The following SERPINE3 variants were observed in gnomAD, a reference collection of about 807,000 sequenced individuals.
The protein encoded by SERPINE3 is serpin E3.
SERPINE3 carries 43 observed loss-of-function variants against 41.7 expected under a neutral mutation model. The ratio of observed to expected loss-of-function variants is 1.03; its 90% CI spans 0.81 to 1.33. The LOEUF is 1.33. SERPINE3 is among the 40% of genes most tolerant of loss of function. The probability of loss-of-function intolerance (pLI) is 0.00; values close to 1 mark genes in which losing one functional copy is unlikely to be tolerated. For synonymous variants in SERPINE3, 200 were observed against 192.2 expected, an observed-to-expected ratio of 1.04 and a Z score of -0.34; for missense variants, 440 against 491.7, an observed-to-expected ratio of 0.89 and a Z score of 0.99.
At chr13:51,341,400 C>T (rs1955289858) in intron 3 of SERPINE3, 53 bp downstream of exon 3, 2 of 1,476,802 alleles carry the variant, frequency 1.4e-6, no homozygotes, top group South Asian at 1.3e-5. Context: ...CACACTCACA[C>T]TCTCTCCAGC....
At chr13:51,348,765 G>A (rs1291203288) in intron 6 of SERPINE3, 1 of 242,036 alleles carries the variant, frequency 4.1e-6, no homozygotes, top group East Asian at 9.0e-5. Flanking sequence ...TTGTAGGAAC[G>A]TTGCCCAAAT....
rs1414559564 is a variant in SERPINE3, at chr13:51,361,324, T to A, written c.1047T>A (p.Ile349=). ...YVSEAIHKAK[I]EVLEEGTKAS... ...CTGAAGCAATCCACAAGGCCAAGAT[T>A]GAAGTTTTGGAGGAAGGCACCAAGG... The change falls in exon 8 of 10, where the codon ATT becomes ATA. Residue 349 remains isoleucine (I), a synonymous_variant. Coordinates refer to ENST00000681248, the MANE Select transcript of SERPINE3 (RefSeq NM_001386375.1). 1 of 1,610,448 alleles carries A rather than the reference T, an allele frequency of 6.2e-7. No individual in the cohort carries two copies. Among genetic ancestry groups the A allele is most frequent in the Admixed American group, 1.7e-5 (1 of 59,720 alleles).
chr13:51,341,141 G>T lies in SERPINE3; in HGVS notation c.50G>T (p.Arg17Leu). 6 of 1,613,924 alleles carry T rather than the reference G, an allele frequency of 3.7e-6. No homozygotes were observed. The South Asian group carries it at 6.6e-5, about 18-fold the overall frequency. Residue 17 changes from arginine to leucine, a missense_variant, in exon 3 of 10, where the codon CGA becomes CTA. Coordinates refer to ENST00000681248, the MANE Select transcript of SERPINE3 (RefSeq NM_001386375.1). ...TLFLFHSCCL[R>L]ANGHLREGMT... ...TTCCTCTTTCACTCTTGCTGCCTCC[G>T]AGCAAATGGCCACCTCCGTGAAGGA...
intron 3 of SERPINE3, among the ~76,000 whole-genome samples, 190 bp downstream of exon 3, chr13:51,341,537 G>A (rs1337041430): frequency 6.6e-6 from 1 of 152,184 alleles, no homozygotes; most frequent in African/African-American, 2.4e-5. Context: ...GCTCCCTATG[G>A]TGTGCACATG....
intron 5 of SERPINE3, 101 bp from the exon 6 acceptor site, chr13:51,348,112 A>T: frequency 1.1e-6 from 1 of 872,694 alleles, no homozygotes; most frequent in Non-Finnish European, 1.8e-6. Context: ...GCTCGGTTTT[A>T]TTGTTTCCAG....
At chr13:51,342,887 T>G (rs899098326) in intron 3 of SERPINE3, among the ~76,000 whole-genome samples, 3 of 152,212 alleles carry the variant, frequency 2.0e-5, no homozygotes, top group Non-Finnish European at 4.4e-5. Context: ...TGCAAGCACT[T>G]AAGTTAGGCT....
chr13:51,355,096 T>C lies in SERPINE3; in HGVS notation c.953T>C (p.Val318Ala). ...AAAAGCATTTTAAATTCTTGGGGAG[T>C]CACCGATCTTTTTGATCCACTCAAA... ...NLKSILNSWGVTDLFDPLKAN... is the reference protein window; with the variant it reads ...NLKSILNSWGATDLFDPLKAN... The change falls in exon 7 of 10, where the codon GTC becomes GCC. Residue 318 changes from valine (V) to alanine (A), a missense_variant. By Grantham distance (64) the Val-to-Ala change is moderately conservative. Coordinates refer to ENST00000681248, the MANE Select transcript of SERPINE3 (RefSeq NM_001386375.1). The C allele has an allele frequency of 1.3e-6, 2 of 1,552,490 alleles. No homozygotes were observed. The highest frequency in any genetic ancestry group is 8.7e-7 in the Non-Finnish European group (1 of 1,145,638).
chr13:51,362,191 T>G lies in SERPINE3; in HGVS notation c.1171+298T>G, dbSNP rs968477376. ...CTTCTGAAGACACTTGGAAAAATCA[T>G]GAAAGTAAAATAAATTATAAATCTT... On this transcript the variant is annotated intron_variant, in intron 9 of 9. Coordinates refer to ENST00000681248, the MANE Select transcript of SERPINE3 (RefSeq NM_001386375.1). 1.3e-5 allele frequency: 9 copies of G among 670,354 alleles called. No individual in the cohort carries two copies. In the African/African-American group the frequency reaches 1.5e-4, roughly 11 times the overall value. 41.5% of individuals were successfully genotyped at this position (670,354 alleles called of 1,614,324 possible). A position where few individuals can be genotyped will look rare whatever the true frequency, so the allele number is the denominator to read the frequency against.
At chr13:51,362,958 C>T (rs1313788051) in intron 9 of SERPINE3, 3 of 152,000 alleles carry the variant, frequency 2.0e-5, no homozygotes, top group South Asian at 2.1e-4. Context: ...AACCACATAA[C>T]GATTAGATGA....
At position 51,347,307 on chromosome 13, in the gene SERPINE3, G is replaced by T. The variant is rs1209883020; in HGVS notation, c.700+73G>T. 7 of 1,292,808 alleles carry T rather than the reference G, an allele frequency of 5.4e-6. No individual in the cohort carries two copies. The African/African-American group carries it at 1.0e-4, about 19-fold the overall frequency. The allele number at this position is 1,292,808 out of a possible 1,614,324, so 80.1% of individuals were successfully genotyped here. A position where few individuals can be genotyped will look rare whatever the true frequency, so the allele number is the denominator to read the frequency against. ...CCTGAGGGCAGGAGAGAGGAGGCCA[G>T]GTCCCTGCTCCTAAGGGATCGGGAT... On this transcript the variant is annotated intron_variant, in intron 5 of 9. Coordinates refer to ENST00000681248, the MANE Select transcript of SERPINE3 (RefSeq NM_001386375.1).
rs1285878889 is a variant in SERPINE3 at position 51,354,690 on chromosome 13, T to C, written c.900-353T>C. Among the ~76,000 whole-genome samples, 4 of 152,188 alleles carry C rather than the reference T, an allele frequency of 2.6e-5. No homozygotes were observed. In the East Asian group the frequency reaches 7.7e-4, roughly 29 times the overall value. ...GACACTAATAGGAAGCAGAATGTTC[T>C]ATATATCGTAAGAGCAGAACAAGGT... On this transcript the variant is annotated intron_variant, in intron 6 of 9. Transcript: ENST00000681248.
At chr13:51,352,191 A>G (rs1222801230) in intron 6 of SERPINE3, among the ~76,000 whole-genome samples, 2 of 152,114 alleles carry the variant, frequency 1.3e-5, no homozygotes, top group Non-Finnish European at 1.5e-5. Flanking sequence ...CTGCAGATCA[A>G]TTTGGTGAGT....
chr13:51,358,787 G>A (rs1955518871), intron 7 of SERPINE3, among the ~76,000 whole-genome samples: 2 of 152,040 alleles, frequency 1.3e-5, no homozygotes, highest in Admixed American at 1.3e-4. Context: ...CCAGGAGGGA[G>A]GGTAGGAAGA....
At chr13:51,346,921 C>A in intron 4 of SERPINE3, 104 bp from the exon 5 acceptor site, 1 of 776,860 alleles carries the variant, frequency 1.3e-6, no homozygotes, top group Non-Finnish European at 2.2e-6. Flanking sequence ...AAAAGACCTG[C>A]ATTTTCGCAT....
chr13:51,351,881 T>C (rs1256253633), intron 6 of SERPINE3, among the ~76,000 whole-genome samples: 1 of 152,122 alleles, frequency 6.6e-6, no homozygotes, highest in East Asian at 1.9e-4. Context: ...CCCAATATCA[T>C]TTGTTAAAAT....
chr13:51,341,024 T>C, intron 2 of SERPINE3, 51 bp from the exon 3 acceptor site: 2 of 1,568,426 alleles, frequency 1.3e-6, no homozygotes, highest in East Asian at 2.2e-5. Context: ...CATGGCCCTC[T>C]TTCATCACCA....
chr13:51,345,325 A>C (rs1335408557), intron 4 of SERPINE3, among the ~76,000 whole-genome samples: 1 of 152,164 alleles, frequency 6.6e-6, no homozygotes, highest in East Asian at 1.9e-4. Flanking sequence ...TTCAAGACCC[A>C]GTGTTGGTTA....
At position 51,348,162 on chromosome 13, in the gene SERPINE3, A is replaced by C. The variant is rs1398500614; in HGVS notation, c.701-51A>C. 4 of 1,425,164 alleles carry C rather than the reference A, an allele frequency of 2.8e-6. No homozygotes were observed. In the African/African-American group the frequency reaches 5.7e-5, roughly 20 times the overall value. The allele number at this position is 1,425,164 out of a possible 1,614,324, so 88.3% of individuals were successfully genotyped here. The stretch of plus-strand genomic sequence containing the variant: ...CTCTCTCAGGGTCCGACACTGGTTC[A>C]TTCTCCTGGCTCCTGGGACAGAGCT... On this transcript the variant is annotated intron_variant, in intron 5 of 9. Coordinates refer to ENST00000681248, the MANE Select transcript of SERPINE3 (RefSeq NM_001386375.1).
Position 51,355,081 on chromosome 13 carries a change from T to G in SERPINE3, c.938T>G (p.Leu313Ter). The G allele has an allele frequency of 1.3e-6, 2 of 1,551,152 alleles. No homozygotes were observed. The highest frequency in any genetic ancestry group is 8.7e-7 in the Non-Finnish European group (1 of 1,144,414). ...AATCAATTCAACTTAAAAAGCATTT[T>G]AAATTCTTGGGGAGTCACCGATCTT... ...IQNQFNLKSI[L>*]NSWGVTDLFD... The change falls in exon 7 of 10, where the codon TTA becomes TGA. Residue 313 changes from leucine (L) to a stop codon, truncating the protein, a stop_gained. Transcript: ENST00000681248. LOFTEE classifies it high-confidence loss of function.
Sources: allele counts gnomAD v4.1 joint callset (sites outside exome capture counted in the v4.1 genomes callset), GRCh38; gene constraint gnomAD v4.1.1; transcripts MANE v1.5; gene names NCBI Gene and HGNC (gene_info 2026-07-23, HGNC 2026-07-21).